Variants in MEF2A observed in about 807,000 individuals in gnomAD.
MEF2A encodes the protein myocyte-specific enhancer factor 2A.
MEF2A carries 28 observed loss-of-function variants against 55.8 expected under a neutral mutation model. That is an observed-to-expected ratio of 0.50 (90% CI 0.37 to 0.69). The LOEUF is 0.69. MEF2A is among the 30% of genes least tolerant of loss of function. The pLI, the probability that MEF2A is intolerant of heterozygous loss-of-function variation, is 0.00. For missense variants in MEF2A, 528 were observed against 626.2 expected, an observed-to-expected ratio of 0.84 and a Z score of 1.67; for synonymous variants, 239 against 227.1, an observed-to-expected ratio of 1.05 and a Z score of -0.47.
At chr15:99,652,225 G>A (rs1447192950) in intron 4 of MEF2A, among the ~76,000 whole-genome samples, 1 of 152,156 alleles carries the variant, frequency 6.6e-6, no homozygotes, top group Non-Finnish European at 1.5e-5. Context: ...CAGGGAGATG[G>A]TTTTGAGATG....
chr15:99,709,818 C>T (rs1449044598), intron 10 of MEF2A, among the ~76,000 whole-genome samples: 6 of 152,200 alleles, frequency 3.9e-5, no homozygotes, highest in South Asian at 4.1e-4. Flanking sequence ...TCTAGGACAC[C>T]GAGTTTTTTC....
At chr15:99,587,276 C>T (rs539543867) in intron 1 of MEF2A, among the ~76,000 whole-genome samples, 1 of 152,112 alleles carries the variant, frequency 6.6e-6, no homozygotes, top group African/African-American at 2.4e-5. Flanking sequence ...TCTTACTGTT[C>T]AGCTCCCACT....
chr15:99,650,740 A>G (rs1357606649), intron 4 of MEF2A, among the ~76,000 whole-genome samples: 1 of 152,206 alleles, frequency 6.6e-6, no homozygotes, highest in Admixed American at 6.5e-5. Context: ...AGTGAAAGTG[A>G]TTATACTTGA....
At chr15:99,608,238 T>A (rs1707265358) in intron 2 of MEF2A, among the ~76,000 whole-genome samples, 1 of 152,232 alleles carries the variant, frequency 6.6e-6, no homozygotes, top group South Asian at 2.1e-4. Context: ...AAAAAATTAC[T>A]TACAGCTTTA....
At chr15:99,691,486 T>G (rs1379621361) in intron 8 of MEF2A, among the ~76,000 whole-genome samples, 1 of 152,016 alleles carries the variant, frequency 6.6e-6, no homozygotes, top group Non-Finnish European at 1.5e-5. Context: ...TCACCTGAGG[T>G]CAGGAGTTCA....
At chr15:99,595,765 A>G (rs531039061) in intron 1 of MEF2A, among the ~76,000 whole-genome samples, 3 of 152,206 alleles carry the variant, frequency 2.0e-5, no homozygotes, top group Non-Finnish European at 4.4e-5. Flanking sequence ...GCGTCATTGA[A>G]GTGTACGTTT....
intron 1 of MEF2A, among the ~76,000 whole-genome samples, chr15:99,592,575 C>T (rs952612607): frequency 3.9e-5 from 6 of 152,118 alleles, no homozygotes; most frequent in African/African-American, 7.2e-5. Flanking sequence ...GTTCTGCAGA[C>T]GTACAAGAAG....
intron 5 of MEF2A, 22 bp from the exon 6 acceptor site, chr15:99,674,371 C>G: frequency 6.4e-7 from 1 of 1,567,998 alleles, no homozygotes; most frequent in Non-Finnish European, 8.7e-7. Context: ...ACAGTTTTTT[C>G]CTTCTTTTTC....
intron 4 of MEF2A, among the ~76,000 whole-genome samples, chr15:99,646,657 A>G (rs763211782): frequency 3.3e-5 from 5 of 152,072 alleles, no homozygotes; most frequent in African/African-American, 7.2e-5. Flanking sequence ...CCTAATCTAG[A>G]TGGTATTTCT....
chr15:99,571,932 T>C (rs1962479100), intron 1 of MEF2A, among the ~76,000 whole-genome samples: 1 of 152,218 alleles, frequency 6.6e-6, no homozygotes, highest in South Asian at 2.1e-4. Flanking sequence ...CACCTCTTTA[T>C]TTGAAGCCAT....
chr15:99,643,943 G>A (rs2045494614), intron 3 of MEF2A, among the ~76,000 whole-genome samples: 1 of 152,074 alleles, frequency 6.6e-6, no homozygotes, highest in South Asian at 2.1e-4. Flanking sequence ...ATTCATAAAA[G>A]GTGATTTGGG....
intron 4 of MEF2A, among the ~76,000 whole-genome samples, chr15:99,649,023 ATCTT>A (rs369949237): frequency 6.6e-4 from 101 of 152,302 alleles, no homozygotes; most frequent in Middle Eastern, 3.4e-3. Flanking sequence ...AAATCCATCT[ATCTT>A]TGTTCTGCCT....
chr15:99,623,271 G>T (rs1483501227), intron 2 of MEF2A, among the ~76,000 whole-genome samples: 1 of 152,128 alleles, frequency 6.6e-6, no homozygotes, highest in East Asian at 1.9e-4. Context: ...ATATTCTATT[G>T]TATGTATGTA....
intron 1 of MEF2A, among the ~76,000 whole-genome samples, chr15:99,589,859 C>CA (rs1286230305): frequency 2.6e-5 from 4 of 151,954 alleles, no homozygotes; most frequent in Non-Finnish European, 5.9e-5. Flanking sequence ...GGTCAGAAAA[C>CA]AGTTTCTATG....
intron 2 of MEF2A, among the ~76,000 whole-genome samples, chr15:99,611,391 G>T (rs985402282): frequency 3.3e-5 from 5 of 152,126 alleles, no homozygotes; most frequent in Non-Finnish European, 5.9e-5. Flanking sequence ...CTCCGAAGAA[G>T]ATAAATAAAT....
At chr15:99,699,070 A>C (rs1361835557) in intron 8 of MEF2A, among the ~76,000 whole-genome samples, 2 of 151,426 alleles carry the variant, frequency 1.3e-5, no homozygotes, top group South Asian at 2.1e-4. Flanking sequence ...AAAAAAAAAA[A>C]CAAAAAAAAC....
intron 1 of MEF2A, among the ~76,000 whole-genome samples, chr15:99,595,278 C>T (rs1970768599): frequency 6.6e-6 from 1 of 152,124 alleles, no homozygotes; most frequent in Admixed American, 6.5e-5. Context: ...TACTGCTGCT[C>T]TTGTAGTTGT....
At chr15:99,665,062 A>G (rs1440505306) in intron 4 of MEF2A, among the ~76,000 whole-genome samples, 4 of 152,258 alleles carry the variant, frequency 2.6e-5, no homozygotes, top group Non-Finnish European at 5.9e-5. Context: ...GGTATTCCAC[A>G]GGAAACAATT....
In MEF2A at chr15:99,603,660, C is replaced by G. The variant is rs151210424; in HGVS notation, c.-143+5149C>G. On this transcript the variant is annotated intron_variant, in intron 2 of 11. Transcript: ENST00000557942. ...AAGTGATCTGTCTGCCTTAGCCTCCCAAAGTGCTGGGATTACAGGTGTGAG... is the reference window on the plus strand; with the variant it reads ...AAGTGATCTGTCTGCCTTAGCCTCCGAAAGTGCTGGGATTACAGGTGTGAG... Among the ~76,000 whole-genome samples, 1,500 of 151,946 alleles carry G rather than the reference C, an allele frequency of 9.9e-3. 21 individuals are homozygous for G. The highest frequency in any genetic ancestry group is 0.034 in the African/African-American group (1,405 of 41,438).
Sources: allele counts gnomAD v4.1 joint callset (sites outside exome capture counted in the v4.1 genomes callset), GRCh38; gene constraint gnomAD v4.1.1; transcripts MANE v1.5; gene names NCBI Gene and HGNC (gene_info 2026-07-23, HGNC 2026-07-21).